DGKD: variants seen among roughly 807,000 people sequenced by gnomAD.
DGKD encodes diacylglycerol kinase delta, also known as DAG kinase delta.
Under a neutral mutation model 154.4 loss-of-function variants are expected in DGKD, and 68 were observed. The observed-to-expected ratio is 0.44, with a 90% CI of 0.36 to 0.54. The LOEUF (loss-of-function observed/expected upper bound fraction) is 0.54, where lower values mean the gene tolerates loss of function less well. Ranked by LOEUF, DGKD falls within the 20% of genes least tolerant of loss-of-function variation. DGKD has a pLI of 0.00. For synonymous variants in DGKD, 693 were observed against 638.0 expected (o/e 1.09, Z -1.30); for missense variants, 1,343 against 1,593.6 (o/e 0.84, Z 2.68).
In DGKD at chr2:233,449,977, C is replaced by G. The variant is rs1575146133; in HGVS notation, c.1889-5C>G. On this transcript the variant is annotated splice_polypyrimidine_tract_variant and splice_region_variant and intron_variant, in intron 15 of 29. Coordinates refer to ENST00000264057, the MANE Select transcript of DGKD (RefSeq NM_152879.3). This position sits in a 1 kb window ranked among gnomAD's most constrained non-coding sequence, Gnocchi z 5.3. ...TGCTCAGCCGCACACACTCTCCTTG[C>G]ACAGCTGTCGATGAGCAGAATGCCC... 6.3e-7 allele frequency: 1 copy of G among 1,591,694 alleles called. No homozygotes were observed.
intron 17 of DGKD, 136 bp from the exon 18 acceptor site, chr2:233,451,828 G>T (rs544002732): frequency 4.0e-6 from 3 of 741,392 alleles, no homozygotes; most frequent in African/African-American, 1.8e-5. Flanking sequence ...TTTGGACATG[G>T]TTATACATAA....
chr2:233,374,809 T>A (rs1389975465), intron 1 of DGKD, among the ~76,000 whole-genome samples: 1 of 151,764 alleles, frequency 6.6e-6, no homozygotes, highest in African/African-American at 2.4e-5. Flanking sequence ...ACCCAGCCAA[T>A]TTTAAAAGTT....
intron 1 of DGKD, among the ~76,000 whole-genome samples, chr2:233,382,511 C>T (rs992898922): frequency 7.3e-5 from 11 of 151,112 alleles, no homozygotes; most frequent in African/African-American, 2.7e-4. Context: ...TTTTTTGTTT[C>T]CCTCCCCAGT....
chr2:233,409,874 C>G (rs986674487), intron 3 of DGKD, among the ~76,000 whole-genome samples: 3 of 148,726 alleles, frequency 2.0e-5, no homozygotes, highest in African/African-American at 7.5e-5. Context: ...AAGGGTTGGC[C>G]CTGCAGACTG....
chr2:233,412,849 G>A (rs1377801474), intron 3 of DGKD, among the ~76,000 whole-genome samples: 1 of 152,042 alleles, frequency 6.6e-6, no homozygotes, highest in Admixed American at 6.6e-5. Flanking sequence ...TGAACACATG[G>A]TTTTTTTCTC....
Position 233,454,757 on chromosome 2 carries a change from T to C in DGKD, c.2265-6T>C. The C allele has an allele frequency of 6.4e-7, 1 of 1,573,948 alleles. No homozygotes were observed. The highest frequency in any genetic ancestry group is 8.7e-7 in the Non-Finnish European group (1 of 1,143,602). Reference sequence around the variant, plus strand: ...GTTGTAATTGATTTAAAACTCACCTTTGCAGAGAGTATTACACGGAGAAAT... The same window carrying C: ...GTTGTAATTGATTTAAAACTCACCTCTGCAGAGAGTATTACACGGAGAAAT... On this transcript the variant is annotated splice_region_variant and splice_polypyrimidine_tract_variant and intron_variant, in intron 18 of 29. Transcript: ENST00000264057.
intron 3 of DGKD, among the ~76,000 whole-genome samples, chr2:233,427,690 G>T (rs866578273): frequency 6.6e-6 from 1 of 152,170 alleles, no homozygotes; most frequent in Admixed American, 6.5e-5. Flanking sequence ...TGATTCAGGG[G>T]TGTGAACTGT....
Position 233,434,641 on chromosome 2 carries a change from C to T in DGKD, c.454-128C>T, listed in dbSNP as rs2062630529. On this transcript the variant is annotated intron_variant, in intron 4 of 29. Coordinates refer to ENST00000264057, the MANE Select transcript of DGKD (RefSeq NM_152879.3). ...TAAAGCTTATTGCTTGTCCTCTCAG[C>T]AGACCTGTCCTTTATAAACCTTCCT... The T allele has an allele frequency of 6.8e-6, 10 of 1,480,806 alleles. No homozygotes were observed. The East Asian group carries it at 2.0e-4, about 30-fold the overall frequency. The allele number at this position is 1,480,806 out of a possible 1,614,324, so 91.7% of individuals were successfully genotyped here.
In DGKD at chr2:233,390,488, G is replaced by A. The variant is rs376093486; in HGVS notation, c.348+5G>A. ...AACGTCAACAACAGTTTTACGGTAA[G>A]ATTCCTCAGTCATGCCTTTCTTGAT... On this transcript the variant is annotated splice_donor_5th_base_variant and intron_variant, in intron 3 of 29. Coordinates refer to ENST00000264057, the MANE Select transcript of DGKD (RefSeq NM_152879.3). 12 of 1,612,298 alleles carry A rather than the reference G, an allele frequency of 7.4e-6. No homozygotes were observed. Among genetic ancestry groups the A allele is most frequent in the Non-Finnish European group, 1.0e-5 (12 of 1,178,356 alleles).
intron 27 of DGKD, 69 bp downstream of exon 27, chr2:233,464,352 C>T: frequency 1.9e-6 from 3 of 1,579,986 alleles, no homozygotes; most frequent in South Asian, 1.1e-5. Context: ...TGCCTGTGTT[C>T]CTTGTGACCC....
chr2:233,460,147 A>G lies in DGKD; in HGVS notation c.2830-47A>G, dbSNP rs536031173. On this transcript the variant is annotated intron_variant, in intron 23 of 29. Transcript: ENST00000264057. ...TCCCCATAGTGTCTGTCGCAGTCAG[A>G]TGCATGCTTCAGAGCAGCAGGTGTA... The G allele has an allele frequency of 5.6e-6, 9 of 1,601,602 alleles. No homozygotes were observed. In the Admixed American group the frequency reaches 1.0e-4, roughly 18 times the overall value.
chr2:233,443,010 C>T (rs2062951578), intron 10 of DGKD, among the ~76,000 whole-genome samples: 1 of 152,182 alleles, frequency 6.6e-6, no homozygotes, highest in Non-Finnish European at 1.5e-5. Context: ...ACCCGGGAGC[C>T]CAGGGCCAGC....
At chr2:233,360,751 T>TA (rs1426028015) in intron 1 of DGKD, among the ~76,000 whole-genome samples, 3 of 152,196 alleles carry the variant, frequency 2.0e-5, no homozygotes, top group African/African-American at 4.8e-5. Context: ...CAGTGTTGGT[T>TA]TCTTTATAAG....
chr2:233,448,018 G>A, intron 12 of DGKD, 69 bp from the exon 13 acceptor site: 1 of 1,600,938 alleles, frequency 6.2e-7, no homozygotes, highest in East Asian at 2.2e-5. Context: ...GGCTGACAGA[G>A]TCACTGGGAC....
chr2:233,391,494 G>A (rs935212459), intron 3 of DGKD, among the ~76,000 whole-genome samples: 13 of 152,060 alleles, frequency 8.5e-5, no homozygotes, highest in Admixed American at 6.5e-4. Flanking sequence ...GGCTATAGTA[G>A]CATTTTCTTG....
At chr2:233,413,565 C>T (rs77911424) in intron 3 of DGKD, among the ~76,000 whole-genome samples, 1,568 of 152,248 alleles carry the variant, frequency 0.01, 32 homozygotes, top group African/African-American at 0.035. Flanking sequence ...CCAGCGCCCC[C>T]GAACCATGCC....
At chr2:233,429,851 C>A (rs1045453300) in intron 3 of DGKD, among the ~76,000 whole-genome samples, 1 of 152,242 alleles carries the variant, frequency 6.6e-6, no homozygotes, top group Non-Finnish European at 1.5e-5. Context: ...CTCCCACCAA[C>A]CCAGGATATG....
chr2:233,412,412 A>G (rs115604196), intron 3 of DGKD, among the ~76,000 whole-genome samples: 1,671 of 152,280 alleles, frequency 0.011, 12 homozygotes, highest in Non-Finnish European at 0.018. Context: ...AACATTTTAT[A>G]TCTGTTTGCT....
chr2:233,461,572 G>T (rs751690980), intron 24 of DGKD, among the ~76,000 whole-genome samples: 10 of 152,270 alleles, frequency 6.6e-5, no homozygotes, highest in African/African-American at 9.6e-5. Context: ...CAGTGATGGG[G>T]CTGGAGGACT....
Sources: allele counts gnomAD v4.1 joint callset (sites outside exome capture counted in the v4.1 genomes callset), GRCh38; gene constraint gnomAD v4.1.1; non-coding constraint Gnocchi (gnomAD v3.1); transcripts MANE v1.5; gene names NCBI Gene and HGNC (gene_info 2026-07-23, HGNC 2026-07-21).